Variants in IMPG1 observed in about 807,000 individuals in gnomAD.
IMPG1 encodes the protein interphotoreceptor matrix proteoglycan of 150 kDa.
IMPG1 carries 85 observed loss-of-function variants against 92.0 expected under a neutral mutation model. The ratio of observed to expected loss-of-function variants is 0.92; its 90% CI spans 0.78 to 1.11. IMPG1 has a LOEUF of 1.11. Among genes scored for constraint, IMPG1 ranks in the 50% least tolerant of loss-of-function variants. The pLI is 0.00. For synonymous variants in IMPG1, 367 were observed against 334.1 expected (o/e 1.10, Z -1.08); for missense variants, 1,022 against 956.0 (o/e 1.07, Z -0.91).
chr6:76,023,512 G>A (rs908985620), intron 5 of IMPG1, among the ~76,000 whole-genome samples: 21 of 152,142 alleles, frequency 1.4e-4, no homozygotes, highest in African/African-American at 2.9e-4. Flanking sequence ...GTTTGTCTTC[G>A]AGCACATTCA....
At chr6:76,040,609 T>C (rs999918761) in intron 2 of IMPG1, among the ~76,000 whole-genome samples, 4 of 152,226 alleles carry the variant, frequency 2.6e-5, no homozygotes, top group Non-Finnish European at 5.9e-5. Context: ...AATAGTAATA[T>C]AGTGCCCTTG....
intron 4 of IMPG1, among the ~76,000 whole-genome samples, chr6:76,034,043 G>A (rs1783694172): frequency 6.6e-6 from 1 of 152,056 alleles, no homozygotes; most frequent in South Asian, 2.1e-4. Context: ...ATAAGTGAAG[G>A]TGCACATTAG....
chr6:75,964,372 AT>A (rs1207153435), intron 12 of IMPG1, among the ~76,000 whole-genome samples: 1 of 152,130 alleles, frequency 6.6e-6, no homozygotes, highest in African/African-American at 2.4e-5. Context: ...TGTTATGTGA[AT>A]TTTATCTCCA....
At chr6:76,028,712 C>G (rs1330935277) in intron 4 of IMPG1, among the ~76,000 whole-genome samples, 1 of 152,212 alleles carries the variant, frequency 6.6e-6, no homozygotes, top group East Asian at 1.9e-4. Context: ...TGCCTGTAGT[C>G]CCAGCTACTC....
At chr6:76,066,067 C>G (rs1479511018) in intron 1 of IMPG1, among the ~76,000 whole-genome samples, 2 of 152,012 alleles carry the variant, frequency 1.3e-5, no homozygotes. Flanking sequence ...ATGAGAAATG[C>G]TCAAGGGAAT....
intron 4 of IMPG1, 56 bp downstream of exon 4, chr6:76,034,259 T>A (rs1471041526): frequency 6.5e-7 from 1 of 1,530,808 alleles, no homozygotes; most frequent in East Asian, 2.3e-5. Context: ...CACTCCATTA[T>A]ATGATCTTTT....
At chr6:76,058,359 G>A (rs1414893869) in intron 1 of IMPG1, among the ~76,000 whole-genome samples, 2 of 152,124 alleles carry the variant, frequency 1.3e-5, no homozygotes, top group African/African-American at 4.8e-5. Context: ...AGTAGAAGGA[G>A]GTGATAATAG....
intron 4 of IMPG1, among the ~76,000 whole-genome samples, chr6:76,033,728 T>A (rs1212068515): frequency 6.6e-6 from 1 of 152,260 alleles, no homozygotes. Flanking sequence ...CTAAATGTCA[T>A]AAGATGTATG....
chr6:76,015,183 T>A (rs916058392), intron 7 of IMPG1, among the ~76,000 whole-genome samples: 3 of 152,230 alleles, frequency 2.0e-5, no homozygotes, highest in Non-Finnish European at 4.4e-5. Flanking sequence ...GACATTTGTA[T>A]TAAATTGCTC....
chr6:75,939,364 C>A (rs919924585), intron 14 of IMPG1, among the ~76,000 whole-genome samples: 1 of 152,052 alleles, frequency 6.6e-6, no homozygotes. Flanking sequence ...CCCCACCCCA[C>A]AACAGGCCCC....
intron 12 of IMPG1, among the ~76,000 whole-genome samples, chr6:75,982,242 A>C (rs1782638415): frequency 6.6e-6 from 1 of 152,174 alleles, no homozygotes; most frequent in East Asian, 1.9e-4. Context: ...AGAAAATCTG[A>C]ATAATTCAGG....
intron 4 of IMPG1, among the ~76,000 whole-genome samples, chr6:76,027,488 T>C (rs1293535891): frequency 6.6e-6 from 1 of 152,206 alleles, no homozygotes; most frequent in African/African-American, 2.4e-5. Context: ...GGTGTAAGAA[T>C]AGTAAAATGT....
chr6:76,067,433 C>T (rs1448478648), intron 1 of IMPG1, among the ~76,000 whole-genome samples: 3 of 151,798 alleles, frequency 2.0e-5, no homozygotes, highest in East Asian at 1.9e-4. Flanking sequence ...ACTTGAAAAC[C>T]GAGAGGAAAT....
At position 76,041,904 on chromosome 6, in the gene IMPG1, T is replaced by C. The variant is rs1562380853; in HGVS notation, c.290A>G (p.Tyr97Cys). 2 of 1,596,474 alleles carry C rather than the reference T, an allele frequency of 1.3e-6. No individual in the cohort carries two copies. Among genetic ancestry groups the C allele is most frequent in the Non-Finnish European group, 8.6e-7 (1 of 1,163,944 alleles). Residue 97 changes from tyrosine to cysteine, a missense_variant, in exon 2 of 17, where the codon TAT becomes TGT. Tyr to Cys is a radical substitution (Grantham distance 194). Coordinates refer to ENST00000369950, the MANE Select transcript of IMPG1 (RefSeq NM_001563.4). ...KQILDSLQAY[Y>C]RLRVCQEAVW... is the part of the protein sequence containing the mutation. Reference sequence around the variant, plus strand: ...ATCTCTTTCCTTACCTCTCAATCTATAATAAGCTTGAAGACTGTCTAAAAT... The same window carrying C: ...ATCTCTTTCCTTACCTCTCAATCTACAATAAGCTTGAAGACTGTCTAAAAT...
intron 12 of IMPG1, among the ~76,000 whole-genome samples, chr6:75,962,210 C>A (rs1782222541): frequency 2.0e-5 from 3 of 152,074 alleles, no homozygotes. Flanking sequence ...GCCTTAAACT[C>A]CCTGTCTCAA....
intron 12 of IMPG1, among the ~76,000 whole-genome samples, chr6:75,976,201 A>G (rs1782529503): frequency 6.6e-6 from 1 of 152,234 alleles, no homozygotes; most frequent in Non-Finnish European, 1.5e-5. Flanking sequence ...ACCCCTTAAA[A>G]GTTATTTCTT....
chr6:76,034,582 G>A (rs778084251), intron 3 of IMPG1, 39 bp downstream of exon 3: 6 of 1,603,756 alleles, frequency 3.7e-6, no homozygotes, highest in Admixed American at 3.3e-5. Flanking sequence ...GGAACTGTTC[G>A]TGCAGTGTTC....
At chr6:75,924,948 A>C (rs1396723125) in intron 15 of IMPG1, among the ~76,000 whole-genome samples, 1 of 150,408 alleles carries the variant, frequency 6.6e-6, no homozygotes, top group African/African-American at 2.4e-5. Flanking sequence ...AAAATAGAAC[A>C]GTAGTTACCA....
chr6:76,014,401 C>T (rs894567193), intron 7 of IMPG1, among the ~76,000 whole-genome samples: 4 of 152,012 alleles, frequency 2.6e-5, no homozygotes, highest in Non-Finnish European at 4.4e-5. Flanking sequence ...GCCTGGGGAG[C>T]GAGTTTCTGT....
Sources: allele counts gnomAD v4.1 joint callset (sites outside exome capture counted in the v4.1 genomes callset), GRCh38; gene constraint gnomAD v4.1.1; transcripts MANE v1.5; gene names NCBI Gene and HGNC (gene_info 2026-07-23, HGNC 2026-07-21).